FREM2: variants seen among roughly 807,000 people sequenced by gnomAD.
FREM2 encodes FRAS1-related extracellular matrix protein 2.
Under a neutral mutation model 219.9 loss-of-function variants are expected in FREM2, and 119 were observed. That is an observed-to-expected ratio of 0.54 (90% CI 0.47 to 0.63). The LOEUF (loss-of-function observed/expected upper bound fraction) is 0.63. FREM2 is among the 30% of genes least tolerant of loss of function. FREM2 has a pLI of 0.00. For missense variants in FREM2, 4,030 were observed against 3,993.6 expected, an observed-to-expected ratio of 1.01 and a Z score of -0.25; for synonymous variants, 1,562 against 1,522.8, an observed-to-expected ratio of 1.03 and a Z score of -0.60.
chr13:38,858,796 A>G (rs181284844), intron 13 of FREM2, among the ~76,000 whole-genome samples: 41 of 152,238 alleles, frequency 2.7e-4, no homozygotes, highest in Middle Eastern at 3.4e-3. Context: ...TGGAAGAATG[A>G]TCAGAGGGGT....
chr13:38,810,809 A>G (rs907291098), intron 6 of FREM2, among the ~76,000 whole-genome samples: 65 of 152,012 alleles, frequency 4.3e-4, no homozygotes, highest in African/African-American at 1.5e-3. Context: ...TGACTTTGGT[A>G]TCAGGATAAT....
chr13:38,734,173 AAAAG>A (rs1350745076), intron 2 of FREM2, among the ~76,000 whole-genome samples: 1 of 152,028 alleles, frequency 6.6e-6, no homozygotes, highest in Admixed American at 6.5e-5. Context: ...ACACAAAAAA[AAAAG>A]AAAGAAAAGA....
intron 3 of FREM2, among the ~76,000 whole-genome samples, chr13:38,766,590 A>T (rs1400382721): frequency 6.6e-6 from 1 of 152,210 alleles, no homozygotes; most frequent in Non-Finnish European, 1.5e-5. Context: ...AATGAGATAG[A>T]TTGCATTATA....
intron 6 of FREM2, among the ~76,000 whole-genome samples, chr13:38,805,844 T>C (rs1875205172): frequency 6.6e-6 from 1 of 151,952 alleles, no homozygotes; most frequent in African/African-American, 2.4e-5. Flanking sequence ...AATGGAATTG[T>C]CAAATAATAA....
chr13:38,691,146 G>T lies in FREM2; in HGVS notation c.3802G>T (p.Asp1268Tyr). Residue 1268 changes from aspartate (D) to tyrosine (Y), a missense_variant, in exon 1 of 24, where the codon GAT becomes TAT. Physicochemically the swap from Asp to Tyr is radical, Grantham distance 160. Coordinates refer to ENST00000280481, the MANE Select transcript of FREM2 (RefSeq NM_207361.6). ...IESSSIIYEHDDSETQEDSFV... is the reference protein window; with the variant it reads ...IESSSIIYEHYDSETQEDSFV... ...GAGTTCCAGCATTATTTATGAGCAT[G>T]ATGACTCCGAGACCCAGGAAGACAG... The T allele has an allele frequency of 1.2e-6, 2 of 1,614,076 alleles. No homozygotes were observed. Among genetic ancestry groups the T allele is most frequent in the Non-Finnish European group, 1.7e-6 (2 of 1,180,010 alleles).
At chr13:38,711,488 A>G (rs1490811311) in intron 2 of FREM2, among the ~76,000 whole-genome samples, 3 of 152,202 alleles carry the variant, frequency 2.0e-5, no homozygotes, top group Non-Finnish European at 4.4e-5. Context: ...TTTTTACCAT[A>G]TTGTTTAAAT....
intron 6 of FREM2, among the ~76,000 whole-genome samples, chr13:38,808,763 T>G (rs1167185470): frequency 6.6e-6 from 1 of 151,874 alleles, no homozygotes; most frequent in Non-Finnish European, 1.5e-5. Context: ...GTAATAATAA[T>G]AAGTTTGAAA....
At chr13:38,837,274 G>C (rs527312897) in intron 6 of FREM2, among the ~76,000 whole-genome samples, 2 of 152,266 alleles carry the variant, frequency 1.3e-5, no homozygotes, top group South Asian at 2.1e-4. Context: ...TTAATCCTGA[G>C]TTCTAATTTG....
rs373522176 is a variant in FREM2, at chr13:38,876,094, G to A, written c.8354G>A (p.Ser2785Asn). Residue 2785 changes from serine to asparagine, a missense_variant, in exon 19 of 24, where the codon AGT becomes AAT. Ser to Asn is a conservative substitution (Grantham distance 46). Around this residue, in one of 2 missense-constraint regions of FREM2, gnomAD observed 928 missense variants for 1,042.9 expected, o/e 0.89. Transcript: ENST00000280481. ...ACATTTTCCCTCCGCCTCATAAGGA[G>A]TGAACCAACCTATAACCAGCCAGTA... is the stretch of plus-strand genomic sequence containing the variant. Reference protein sequence around the residue: ...GLTFSLRLIRSEPTYNQPVQQ... With the variant: ...GLTFSLRLIRNEPTYNQPVQQ... 6.2e-7 allele frequency: 1 copy of A among 1,614,118 alleles called. No homozygotes were observed. The highest frequency in any genetic ancestry group is 8.5e-7 in the Non-Finnish European group (1 of 1,179,998).
At chr13:38,719,600 T>TC (rs1871144249) in intron 2 of FREM2, among the ~76,000 whole-genome samples, 1 of 152,200 alleles carries the variant, frequency 6.6e-6, no homozygotes, top group Non-Finnish European at 1.5e-5. Context: ...TGTGATTCTG[T>TC]TGGGCTCACC....
chr13:38,847,685 A>G (rs1444476912), intron 7 of FREM2, among the ~76,000 whole-genome samples: 3 of 152,186 alleles, frequency 2.0e-5, no homozygotes, highest in African/African-American at 4.8e-5. Context: ...AAAGTTGCAC[A>G]TTTGGAGGTA....
At chr13:38,775,610 A>G (rs1217888226) in intron 4 of FREM2, among the ~76,000 whole-genome samples, 1 of 152,164 alleles carries the variant, frequency 6.6e-6, no homozygotes, top group African/African-American at 2.4e-5. Flanking sequence ...GATTACCGAA[A>G]GATTCACTTT....
chr13:38,819,648 A>G (rs1178810218), intron 6 of FREM2, among the ~76,000 whole-genome samples: 2 of 152,168 alleles, frequency 1.3e-5, no homozygotes, highest in African/African-American at 4.8e-5. Context: ...TAGATATCAT[A>G]TATTTTTATA....
chr13:38,709,990 C>T (rs1431846325), intron 2 of FREM2, among the ~76,000 whole-genome samples: 8 of 3,620 alleles, frequency 2.2e-3, no homozygotes, highest in Non-Finnish European at 7.3e-3. Context: ...TAAAAATACA[C>T]ACACACACAC....
intron 6 of FREM2, 146 bp downstream of exon 6, chr13:38,784,954 A>C (rs1400944411): frequency 1.1e-6 from 1 of 892,176 alleles, no homozygotes; most frequent in Non-Finnish European, 1.7e-6. Flanking sequence ...TAGGTTTCAA[A>C]GTTGGCTGCA....
chr13:38,844,733 T>G (rs1278052306), intron 6 of FREM2, among the ~76,000 whole-genome samples: 2 of 152,194 alleles, frequency 1.3e-5, no homozygotes, highest in East Asian at 3.8e-4. Context: ...TGGGTGCTGA[T>G]GTGGTTTGCC....
At chr13:38,802,352 G>T (rs1402484699) in intron 6 of FREM2, among the ~76,000 whole-genome samples, 1 of 152,130 alleles carries the variant, frequency 6.6e-6, no homozygotes, top group Non-Finnish European at 1.5e-5. Flanking sequence ...TACCTGCTTG[G>T]CCTCTTCTCT....
In FREM2 at chr13:38,878,958, A is replaced by G; in HGVS notation, c.8987A>G (p.Asp2996Gly). 1 of 1,614,160 alleles carries G rather than the reference A, an allele frequency of 6.2e-7. No homozygotes were observed. Among genetic ancestry groups the G allele is most frequent in the Non-Finnish European group, 8.5e-7 (1 of 1,180,016 alleles). Residue 2996 changes from aspartate to glycine, a missense_variant, in exon 23 of 24, where the codon GAC becomes GGC. Coordinates refer to ENST00000280481, the MANE Select transcript of FREM2 (RefSeq NM_207361.6). ...NQPGSDGFKV[D>G]STPLFQVALG... ...CCTGGATCTGATGGATTTAAAGTCG[A>G]CTCAACACCACTCTTTCAGGTAGGC...
At chr13:38,846,534 T>C in intron 6 of FREM2, 39 bp from the exon 7 acceptor site, 1 of 1,606,228 alleles carries the variant, frequency 6.2e-7, no homozygotes, top group Non-Finnish European at 8.5e-7. Flanking sequence ...TGTGAAAAAA[T>C]AAAAATAACA....
Sources: gnomAD v4.1 joint callset for allele counts (sites outside exome capture counted in the v4.1 genomes callset) on GRCh38, gnomAD v4.1.1 for gene constraint, gnomAD v4.1.1 regional missense constraint, MANE v1.5 for transcripts, NCBI Gene and HGNC (gene_info 2026-07-23, HGNC 2026-07-21) for gene names.